Variants in LOXHD1 observed in about 807,000 individuals in gnomAD.
LOXHD1 encodes lipoxygenase homology domain-containing protein 1.
In LOXHD1, 205 loss-of-function variants were observed where a neutral mutation model predicts 248.2. The observed-to-expected ratio is 0.83, with a 90% CI of 0.74 to 0.93. LOXHD1 has a LOEUF of 0.93. Ranked by LOEUF, LOXHD1 falls within the 40% of genes least tolerant of loss-of-function variation. The probability of loss-of-function intolerance (pLI) is 0.00; values close to 1 mark genes in which losing one functional copy is unlikely to be tolerated. For synonymous variants in LOXHD1, 1,113 were observed against 1,162.8 expected (o/e 0.96, Z 0.87); for missense variants, 2,930 against 2,971.6 (o/e 0.99, Z 0.33).
chr18:46,591,959 C>G lies in LOXHD1; in HGVS notation c.1628G>C (p.Gly543Ala). Residue 543 changes from glycine to alanine, a missense_variant, in exon 12 of 41, where the codon GGC (glycine) becomes GCC (alanine). Transcript: ENST00000642948. Reference sequence around the variant, plus strand: ...GCCCATGATCCTGCGCACTGTTGGGCCTTCTGCAGTCATTTCCCTCACTAT... The same window carrying G: ...GCCCATGATCCTGCGCACTGTTGGGGCTTCTGCAGTCATTTCCCTCACTAT... ...NEIVREMTAEGPTVRRIMGMA... is the reference protein window; with the variant it reads ...NEIVREMTAEAPTVRRIMGMA... 6.4e-7 allele frequency: 1 copy of G among 1,551,904 alleles called. No individual in the cohort carries two copies. The highest frequency in any genetic ancestry group is 8.7e-7 in the Non-Finnish European group (1 of 1,147,018).
chr18:46,552,241 CT>C (rs1316162306), intron 21 of LOXHD1, among the ~76,000 whole-genome samples: 1 of 152,044 alleles, frequency 6.6e-6, no homozygotes, highest in Non-Finnish European at 1.5e-5. Flanking sequence ...ATCCAACTCA[CT>C]TGAGGCAGTA....
At chr18:46,607,124 G>C (rs1230651681) in intron 6 of LOXHD1, among the ~76,000 whole-genome samples, 1 of 151,318 alleles carries the variant, frequency 6.6e-6, no homozygotes, top group African/African-American at 2.4e-5. Flanking sequence ...AGCCAAGATT[G>C]TGCCACTGCA....
At position 46,649,270 on chromosome 18, in the gene LOXHD1, C is replaced by CCG; in HGVS notation, c.131-2_131-1insCG. The CCG allele has an allele frequency of 6.4e-7, 1 of 1,550,864 alleles. No individual in the cohort carries two copies. ...CCCGTGGCTGTGACCACTTCATACACTGGAGGAGGAGAGGAGGAGACAGAT... is the reference window on the plus strand; with the variant it reads ...CCCGTGGCTGTGACCACTTCATACACCGTGGAGGAGGAGAGGAGGAGACAGAT... On this transcript the variant is annotated splice_acceptor_variant, in intron 1 of 40. Coordinates refer to ENST00000642948, the MANE Select transcript of LOXHD1 (RefSeq NM_001384474.1). LOFTEE classifies it high-confidence loss of function.
rs565954626 is a variant in LOXHD1, at chr18:46,621,733, C to T, written c.512-3443G>A. Among the ~76,000 whole-genome samples, 292 of 151,420 alleles carry T rather than the reference C, an allele frequency of 1.9e-3. 1 individual carries two copies. The highest frequency in any genetic ancestry group is 6.7e-3 in the African/African-American group (276 of 41,176). On this transcript the variant is annotated intron_variant, in intron 4 of 40. Transcript: ENST00000642948. ...ACTGACCAGAGAGAAAGGTGAAAGA[C>T]CAATTAAAAAAAAAAATCCCTGCCC... is the stretch of plus-strand genomic sequence containing the variant.
intron 4 of LOXHD1, among the ~76,000 whole-genome samples, chr18:46,638,782 A>G (rs1185964795): frequency 6.6e-6 from 1 of 152,216 alleles, no homozygotes; most frequent in Non-Finnish European, 1.5e-5. Context: ...AAAGCCCATC[A>G]AGACAATGGA....
chr18:46,505,997 T>C lies in LOXHD1; in HGVS notation c.5719A>G (p.Ile1907Val). 1 of 1,552,260 alleles carries C rather than the reference T, an allele frequency of 6.4e-7. No individual in the cohort carries two copies. The highest frequency in any genetic ancestry group is 1.4e-5 in the African/African-American group (1 of 73,164). ...TCCCCGTTCTCCCCGAAGATGATGATGAACACGTTGGCATCAGTGCCTGCT... is the reference window on the plus strand; with the variant it reads ...TCCCCGTTCTCCCCGAAGATGATGACGAACACGTTGGCATCAGTGCCTGCT... ...LGAGTDANVF[I>V]IIFGENGDSG... Residue 1907 changes from isoleucine to valine, a missense_variant, in exon 37 of 41, where the codon ATC becomes GTC. By Grantham distance (29) the Ile-to-Val change is conservative (BLOSUM62 3). Transcript: ENST00000642948.
intron 5 of LOXHD1, among the ~76,000 whole-genome samples, chr18:46,612,342 C>T (rs2038520920): frequency 6.6e-6 from 1 of 152,162 alleles, no homozygotes; most frequent in Non-Finnish European, 1.5e-5. Context: ...ACATTAATTA[C>T]CACCAGTAGT....
chr18:46,522,015 C>A (rs961915457), intron 32 of LOXHD1, 86 bp downstream of exon 32: 75 of 994,074 alleles, frequency 7.5e-5, no homozygotes, highest in Admixed American at 1.9e-4. Flanking sequence ...TTCTTCCCAC[C>A]CTGCACTCTC....
intron 1 of LOXHD1, among the ~76,000 whole-genome samples, chr18:46,654,153 A>G (rs2039149143): frequency 6.6e-6 from 1 of 152,252 alleles, no homozygotes. Context: ...ACACAGCAAG[A>G]AAGTTCTCAC....
In LOXHD1 at chr18:46,489,162, G is replaced by A; in HGVS notation, c.5879-20C>T. 6.4e-7 allele frequency: 1 copy of A among 1,551,524 alleles called. No individual in the cohort carries two copies. Among genetic ancestry groups the A allele is most frequent in the East Asian group, 2.4e-5 (1 of 40,912 alleles). ...ATATCCCTGTGGAAAAGACACCATG[G>A]GGGTTGGAAGCTGGATGTGCCTTCC... On this transcript the variant is annotated intron_variant, in intron 37 of 40. Coordinates refer to ENST00000642948, the MANE Select transcript of LOXHD1 (RefSeq NM_001384474.1).
intron 25 of LOXHD1, 128 bp from the exon 26 acceptor site, chr18:46,538,465 C>T: frequency 1.1e-6 from 1 of 949,022 alleles, no homozygotes. Flanking sequence ...GCCCGGGGAA[C>T]TGCTGCTCAG....
intron 40 of LOXHD1, 43 bp from the exon 41 acceptor site, chr18:46,477,995 A>G: frequency 6.6e-7 from 1 of 1,515,632 alleles, no homozygotes; most frequent in Non-Finnish European, 8.9e-7. Context: ...GGCTAAGCAG[A>G]CCCCAGCCGA....
At chr18:46,593,447 T>C (rs1399290545) in intron 10 of LOXHD1, among the ~76,000 whole-genome samples, 153 bp downstream of exon 10, 1 of 152,210 alleles carries the variant, frequency 6.6e-6, no homozygotes, top group Non-Finnish European at 1.5e-5. Context: ...AATCATCAAA[T>C]TTGTCTCCCT....
chr18:46,547,980 A>G lies in LOXHD1; in HGVS notation c.3351-922T>C, dbSNP rs143654559. On this transcript the variant is annotated intron_variant, in intron 21 of 40. Coordinates refer to ENST00000642948, the MANE Select transcript of LOXHD1 (RefSeq NM_001384474.1). ...CCATAAAATAAGCATAATATTGCCT[A>G]TTTCATAGGGTGTTGTGAGGATTAC... Among the ~76,000 whole-genome samples, 852 of 152,304 alleles carry G rather than the reference A, an allele frequency of 5.6e-3. 8 individuals are homozygous for G. The highest frequency in any genetic ancestry group is 0.02 in the African/African-American group (811 of 41,562).
chr18:46,566,211 C>A (rs1029340090), intron 17 of LOXHD1, 46 bp downstream of exon 17: 39 of 1,510,684 alleles, frequency 2.6e-5, no homozygotes, highest in Non-Finnish European at 3.3e-5. Context: ...TCAGCCCCAT[C>A]CCCCATGGGA....
In LOXHD1 at chr18:46,518,276, G is replaced by C; in HGVS notation, c.5272-20C>G. On this transcript the variant is annotated intron_variant, in intron 33 of 40. Transcript: ENST00000642948. ...GAGAACCTGCCATGAGAGGAATGCA[G>C]GTGCTGAGTCTCAGCCTCACCCTCC... is the stretch of plus-strand genomic sequence containing the variant. 6.5e-7 allele frequency: 1 copy of C among 1,549,532 alleles called. No homozygotes were observed. Among genetic ancestry groups the C allele is most frequent in the South Asian group, 1.2e-5 (1 of 84,026 alleles).
At position 46,601,273 on chromosome 18, in the gene LOXHD1, G is replaced by A. The variant is rs1457525177; in HGVS notation, c.1078C>T (p.Arg360Trp). ...ELAVLLSPLS[R>W]VSVGHGNVGV... ...ACATTGCCATGCCCGACGGAGACCC[G>A]ACTCAGGGGGCTAAGGAGGACAGCC... is the stretch of plus-strand genomic sequence containing the variant. The change falls in exon 8 of 41, where the codon CGG (arginine) becomes TGG (tryptophan). Residue 360 changes from arginine to tryptophan, a missense_variant. Transcript: ENST00000642948. 2.6e-6 allele frequency: 4 copies of A among 1,551,564 alleles called. No individual in the cohort carries two copies. Among genetic ancestry groups the A allele is most frequent in the Non-Finnish European group, 3.5e-6 (4 of 1,147,006 alleles).
intron 2 of LOXHD1, among the ~76,000 whole-genome samples, chr18:46,644,160 G>A (rs2038998436): frequency 6.6e-6 from 1 of 152,154 alleles, no homozygotes; most frequent in Admixed American, 6.5e-5. Flanking sequence ...CCTGCAGGCT[G>A]CCTGGATCAA....
At chr18:46,510,267 G>A (rs542264503) in intron 34 of LOXHD1, among the ~76,000 whole-genome samples, 40 of 152,344 alleles carry the variant, frequency 2.6e-4, no homozygotes, top group Non-Finnish European at 4.3e-4. Context: ...GGCCCGTTGC[G>A]AATGGTGGGG....
Sources: allele counts gnomAD v4.1 joint callset (sites outside exome capture counted in the v4.1 genomes callset), GRCh38; gene constraint gnomAD v4.1.1; transcripts MANE v1.5; gene names NCBI Gene and HGNC (gene_info 2026-07-23, HGNC 2026-07-21).